LUZP2: variants seen among roughly 807,000 people sequenced by gnomAD.
LUZP2 encodes leucine zipper protein 2.
LUZP2 carries 52 observed loss-of-function variants against 51.6 expected under a neutral mutation model. The ratio of observed to expected loss-of-function variants is 1.01; its 90% CI spans 0.81 to 1.27. The LOEUF (loss-of-function observed/expected upper bound fraction) is 1.27. Among genes scored for constraint, LUZP2 ranks in the 50% most tolerant of loss-of-function variants. The pLI is 0.00. For synonymous variants in LUZP2, 154 were observed against 137.3 expected, an observed-to-expected ratio of 1.12 and a Z score of -0.85; for missense variants, 436 against 395.4, an observed-to-expected ratio of 1.10 and a Z score of -0.87.
chr11:24,958,385 C>A lies in LUZP2; in HGVS notation c.523-18206C>A, dbSNP rs1234259419. 1.4e-4 allele frequency among the ~76,000 whole-genome samples: 21 copies of A among 152,198 alleles called. No homozygotes were observed. The East Asian group carries it at 4.1e-3, about 29-fold the overall frequency. ...GTCCCACCAACAGTGTAAAAGTGTT[C>A]CTATTTCTCCACATCCTCTCCAGCA... On this transcript the variant is annotated intron_variant, in intron 7 of 11. Coordinates refer to ENST00000336930, the MANE Select transcript of LUZP2 (RefSeq NM_001009909.4).
At chr11:24,912,446 A>T (rs1486300796) in intron 6 of LUZP2, among the ~76,000 whole-genome samples, 9 of 152,076 alleles carry the variant, frequency 5.9e-5, no homozygotes, top group African/African-American at 2.2e-4. Flanking sequence ...GCATTGAACA[A>T]TGATTGAAAA....
intron 4 of LUZP2, among the ~76,000 whole-genome samples, chr11:24,744,322 C>A (rs1256682917): frequency 1.3e-5 from 2 of 152,128 alleles, no homozygotes; most frequent in African/African-American, 4.8e-5. Flanking sequence ...TGGAATTCTG[C>A]TGTGAATCCA....
chr11:25,047,397 A>T (rs200605269), intron 9 of LUZP2, among the ~76,000 whole-genome samples: 38 of 110,988 alleles, frequency 3.4e-4, no homozygotes, highest in East Asian at 1.3e-3. Context: ...ATTTTTTTTA[A>T]TTTTTTTTTT....
At chr11:24,982,502 G>T (rs527535316) in intron 8 of LUZP2, among the ~76,000 whole-genome samples, 1 of 151,898 alleles carries the variant, frequency 6.6e-6, no homozygotes, top group South Asian at 2.1e-4. Context: ...GAAAACTAAT[G>T]CAGGTACAGA....
At chr11:24,766,082 T>C (rs1013710085) in intron 5 of LUZP2, among the ~76,000 whole-genome samples, 3 of 152,168 alleles carry the variant, frequency 2.0e-5, no homozygotes, top group Non-Finnish European at 4.4e-5. Flanking sequence ...TTCAAGCACC[T>C]TTATTTCATC....
At chr11:25,025,767 A>G (rs753032274) in intron 9 of LUZP2, among the ~76,000 whole-genome samples, 5 of 152,214 alleles carry the variant, frequency 3.3e-5, no homozygotes, top group African/African-American at 9.6e-5. Context: ...TAGAAGTAGC[A>G]TTTGACCCAG....
At chr11:24,920,580 T>C (rs1408352836) in intron 7 of LUZP2, among the ~76,000 whole-genome samples, 1 of 152,052 alleles carries the variant, frequency 6.6e-6, no homozygotes, top group East Asian at 1.9e-4. Context: ...GTGGCATATG[T>C]ACACATATGG....
chr11:25,045,069 G>GCA (rs1364171553), intron 9 of LUZP2, among the ~76,000 whole-genome samples: 1 of 7,232 alleles, frequency 1.4e-4, no homozygotes, highest in Non-Finnish European at 4.0e-4. Context: ...TGCGGTGGGG[G>GCA]GAGGGGAGGG....
intron 6 of LUZP2, among the ~76,000 whole-genome samples, chr11:24,909,060 C>T (rs1181456392): frequency 6.6e-6 from 1 of 151,790 alleles, no homozygotes; most frequent in Non-Finnish European, 1.5e-5. Flanking sequence ...CGCACCCAGC[C>T]AGGATTTTGC....
intron 5 of LUZP2, among the ~76,000 whole-genome samples, chr11:24,811,717 T>C (rs1850029140): frequency 6.6e-6 from 1 of 152,148 alleles, no homozygotes; most frequent in South Asian, 2.1e-4. Flanking sequence ...GTGTTCAGTA[T>C]GCAGCCTTCC....
intron 5 of LUZP2, among the ~76,000 whole-genome samples, chr11:24,772,111 G>A (rs11028159): frequency 0.08 from 12,193 of 152,116 alleles, 1,056 homozygotes; most frequent in African/African-American, 0.22. Context: ...CTGAAATGAT[G>A]CAGAAAAACA....
intron 4 of LUZP2, 26 bp from the exon 5 acceptor site, chr11:24,763,220 C>A: frequency 9.2e-7 from 1 of 1,090,572 alleles, no homozygotes; most frequent in Non-Finnish European, 1.3e-6. Flanking sequence ...TGGAATGTGT[C>A]TACATAATAG....
chr11:24,633,384 T>C (rs1854959475), intron 1 of LUZP2, among the ~76,000 whole-genome samples: 1 of 151,968 alleles, frequency 6.6e-6, no homozygotes, highest in Non-Finnish European at 1.5e-5. Context: ...ACACACAAGT[T>C]AGGCCATTGA....
chr11:25,041,493 G>T (rs889689254), intron 9 of LUZP2, among the ~76,000 whole-genome samples: 4 of 151,706 alleles, frequency 2.6e-5, no homozygotes, highest in Non-Finnish European at 4.4e-5. Flanking sequence ...ACTTCATCTT[G>T]GTCAGAAATA....
intron 1 of LUZP2, among the ~76,000 whole-genome samples, chr11:24,717,533 G>T (rs12807784): frequency 0.33 from 49,718 of 149,702 alleles, 8,922 homozygotes; most frequent in Non-Finnish European, 0.4. Context: ...TCAGCTTTCC[G>T]AGTAGCTGGG....
intron 1 of LUZP2, among the ~76,000 whole-genome samples, chr11:24,676,007 C>T (rs112815580): frequency 6.6e-5 from 10 of 151,776 alleles, no homozygotes; most frequent in South Asian, 2.1e-4. Flanking sequence ...TTAGTAGAGA[C>T]GGAGTTTCAC....
chr11:24,997,399 T>G (rs1322769021), intron 9 of LUZP2, among the ~76,000 whole-genome samples: 3 of 152,322 alleles, frequency 2.0e-5, no homozygotes, highest in Middle Eastern at 3.4e-3. Flanking sequence ...CTGTGTTTTT[T>G]GGCTGCATAA....
At position 24,678,864 on chromosome 11, in the gene LUZP2, A is replaced by G. The variant is rs73435001; in HGVS notation, c.63-50305A>G. Among the ~76,000 whole-genome samples, 600 of 152,328 alleles carry G rather than the reference A, an allele frequency of 3.9e-3. 4 individuals are homozygous for G. The highest frequency in any genetic ancestry group is 0.014 in the African/African-American group (562 of 41,582). ...TTCATATAATCATTGAGAAGCATTTATTCTTCCTTGAAAGGTTATTTTCTG... is the reference window on the plus strand; with the variant it reads ...TTCATATAATCATTGAGAAGCATTTGTTCTTCCTTGAAAGGTTATTTTCTG... On this transcript the variant is annotated intron_variant, in intron 1 of 11. Coordinates refer to ENST00000336930, the MANE Select transcript of LUZP2 (RefSeq NM_001009909.4).
At chr11:24,664,078 C>T (rs1565063126) in intron 1 of LUZP2, among the ~76,000 whole-genome samples, 1 of 152,082 alleles carries the variant, frequency 6.6e-6, no homozygotes, top group Middle Eastern at 3.4e-3. Flanking sequence ...AATGTGGAAG[C>T]GATTTTGGAA....
Sources: gnomAD v4.1 joint callset for allele counts (sites outside exome capture counted in the v4.1 genomes callset) on GRCh38, gnomAD v4.1.1 for gene constraint, MANE v1.5 for transcripts, NCBI Gene and HGNC (gene_info 2026-07-23, HGNC 2026-07-21) for gene names.